The following HYDIN variants were observed in gnomAD, a reference collection of about 807,000 sequenced individuals.
The protein encoded by HYDIN is HYDIN axonemal central pair apparatus protein.
HYDIN carries 132 observed loss-of-function variants against 403.9 expected under a neutral mutation model. That is an observed-to-expected ratio of 0.33 (90% CI 0.28 to 0.38). The LOEUF is 0.38. Ranked by LOEUF, HYDIN falls within the 10% of genes least tolerant of loss-of-function variation. HYDIN has a pLI of 1.00. For synonymous variants in HYDIN, 1,202 were observed against 1,891.7 expected (o/e 0.64, Z 9.46); for missense variants, 2,827 against 5,009.5 (o/e 0.56, Z 13.15).
chr16:70,882,596 T>C, intron 60 of HYDIN, 64 bp downstream of exon 60: 3 of 989,308 alleles, frequency 3.0e-6, no homozygotes, highest in Non-Finnish European at 4.8e-6. Flanking sequence ...CAGAGGATGC[T>C]GAGAGCCCTT....
Position 71,228,919 on chromosome 16 carries a change from A to G in HYDIN, c.-24+1643T>C, listed in dbSNP as rs574478699. Among the ~76,000 whole-genome samples the G allele has an allele frequency of 8.5e-5, 13 of 152,276 alleles. No individual in the cohort carries two copies. The East Asian group carries it at 2.3e-3, about 27-fold the overall frequency. ...TTGGAACCAACCCAAATGTCCATCA[A>G]CGATAGACTGAGTTAAGAAAATGTG... is the stretch of plus-strand genomic sequence containing the variant. On this transcript the variant is annotated intron_variant, in intron 1 of 85. Transcript: ENST00000393567.
Position 71,107,850 on chromosome 16 carries a change from T to C in HYDIN, c.1327+7846A>G, listed in dbSNP as rs560633332. On this transcript the variant is annotated intron_variant, in intron 10 of 85. Coordinates refer to ENST00000393567, the MANE Select transcript of HYDIN (RefSeq NM_001270974.2). ...AAACCCAAAAGGATATAAATTGTTC[T>C]ACCATGAAAACATGCATGTATATGT... Among the ~76,000 whole-genome samples, 5 of 152,314 alleles carry C rather than the reference T, an allele frequency of 3.3e-5. No homozygotes were observed. The East Asian group carries it at 9.6e-4, about 29-fold the overall frequency.
intron 20 of HYDIN, chr16:71,027,330 C>T: frequency 7.4e-7 from 1 of 1,350,132 alleles, no homozygotes; most frequent in Admixed American, 3.5e-5. Context: ...GGGTGTTTTT[C>T]TACCAGAGAC....
intron 22 of HYDIN, among the ~76,000 whole-genome samples, chr16:71,019,346 C>T (rs978020333): frequency 4.6e-5 from 7 of 152,388 alleles, no homozygotes; most frequent in Admixed American, 6.5e-5. Flanking sequence ...TGGGCTTAAA[C>T]GATTCTGGTA....
intron 12 of HYDIN, among the ~76,000 whole-genome samples, chr16:71,081,477 A>G (rs1376996622): frequency 2.0e-5 from 3 of 152,108 alleles, no homozygotes; most frequent in Non-Finnish European, 4.4e-5. Flanking sequence ...CTTCACTTGA[A>G]AAAAAGCTTT....
intron 83 of HYDIN, among the ~76,000 whole-genome samples, chr16:70,820,021 C>T (rs1343516914): frequency 7.0e-5 from 10 of 143,668 alleles, no homozygotes; most frequent in Non-Finnish European, 9.1e-5. Context: ...GGGGTTTCAC[C>T]GTGTTAGTCA....
Position 71,088,531 on chromosome 16 carries a change from C to G in HYDIN, c.1447-7G>C. On this transcript the variant is annotated splice_polypyrimidine_tract_variant and splice_region_variant and intron_variant, in intron 11 of 85. Transcript: ENST00000393567. The stretch of plus-strand genomic sequence containing the variant: ...CTTTGTTGTACAGTATCGCCTATAT[C>G]AATAAAAGGCAAGAATGTGAAGGTC... 1 of 628,034 alleles carries G rather than the reference C, an allele frequency of 1.6e-6. No homozygotes were observed. The highest frequency in any genetic ancestry group is 1.9e-5 in the South Asian group (1 of 51,438). 38.9% of individuals were successfully genotyped at this position (628,034 alleles called of 1,614,324 possible). A position where few individuals can be genotyped will look rare whatever the true frequency, so the allele number is the denominator to read the frequency against.
At chr16:71,132,381 C>T (rs1473967156) in intron 8 of HYDIN, 3 of 12,480 alleles carry the variant, frequency 2.4e-4, no homozygotes, top group African/African-American at 1.1e-3. Context: ...ATTAGATATA[C>T]ACATAGCAAC....
intron 47 of HYDIN, among the ~76,000 whole-genome samples, chr16:70,917,207 C>T (rs966562822): frequency 1.3e-5 from 2 of 152,242 alleles, no homozygotes; most frequent in Admixed American, 1.3e-4. Context: ...CAGGCCTGAG[C>T]CACAGTGCCC....
intron 19 of HYDIN, among the ~76,000 whole-genome samples, chr16:71,029,806 G>A (rs535550916): frequency 6.6e-6 from 1 of 152,036 alleles, no homozygotes; most frequent in Non-Finnish European, 1.5e-5. Flanking sequence ...AGGATTCTGG[G>A]GAGGGCTCCT....
rs532412854 is a variant in HYDIN at position 70,818,403 on chromosome 16, G to A, written c.14597C>T (p.Thr4866Met). The A allele has an allele frequency of 3.7e-5, 60 of 1,613,734 alleles. No individual in the cohort carries two copies. Among genetic ancestry groups the A allele is most frequent in the South Asian group, 2.3e-4 (21 of 90,974 alleles). Reference protein sequence around the residue: ...NPLPYSVTFSTECRMPDIALP... With the variant: ...NPLPYSVTFSMECRMPDIALP... ...GGCGATGTCGGGCATCCGGCATTCCGTGGAGAAGGTCACCGAGTAGGGCAG... is the reference window on the plus strand; with the variant it reads ...GGCGATGTCGGGCATCCGGCATTCCATGGAGAAGGTCACCGAGTAGGGCAG... Residue 4866 changes from threonine (T) to methionine (M), a missense_variant, in exon 84 of 86, where the codon ACG (threonine) becomes ATG (methionine). Coordinates refer to ENST00000393567, the MANE Select transcript of HYDIN (RefSeq NM_001270974.2).
At chr16:71,010,597 T>C (rs1180028357) in intron 23 of HYDIN, among the ~76,000 whole-genome samples, 1 of 151,664 alleles carries the variant, frequency 6.6e-6, no homozygotes, top group East Asian at 2.0e-4. Flanking sequence ...CTCCTTCATT[T>C]CACACAAGAG....
chr16:70,974,478 G>T lies in HYDIN; in HGVS notation c.4909+56C>A, dbSNP rs878950515. The T allele has an allele frequency of 1.7e-4, 243 of 1,441,098 alleles. 2 individuals carry two copies. The South Asian group carries it at 3.1e-3, about 19-fold the overall frequency. 89.3% of individuals were successfully genotyped at this position (1,441,098 alleles called of 1,614,324 possible). On this transcript the variant is annotated intron_variant, in intron 32 of 85. Transcript: ENST00000393567. ...TGCTCCAGGAGGACAGTACTGATGG[G>T]TTCCTTGAGAGAAATGACCAAGTGC...
chr16:70,817,868 A>G (rs2035944795), intron 84 of HYDIN, among the ~76,000 whole-genome samples: 1 of 151,884 alleles, frequency 6.6e-6, no homozygotes, highest in Non-Finnish European at 1.5e-5. Flanking sequence ...CAGCCTCCCG[A>G]GTAGCTGGGA....
chr16:71,191,137 T>A (rs1392126583), intron 1 of HYDIN, among the ~76,000 whole-genome samples: 1 of 152,230 alleles, frequency 6.6e-6, no homozygotes, highest in Non-Finnish European at 1.5e-5. Flanking sequence ...CTCATCAGAT[T>A]AAACATTTTT....
At chr16:71,005,023 G>C (rs1338497423) in intron 23 of HYDIN, among the ~76,000 whole-genome samples, 33 of 152,150 alleles carry the variant, frequency 2.2e-4, no homozygotes. Context: ...CTGTGTTTTT[G>C]TTTACTTGTT....
chr16:71,021,131 C>G (rs2080474262), intron 21 of HYDIN, among the ~76,000 whole-genome samples: 1 of 151,348 alleles, frequency 6.6e-6, no homozygotes, highest in Admixed American at 6.6e-5. Context: ...ATGATCAGAC[C>G]TATTTCCTGT....
rs568019588 is a variant in HYDIN at position 71,059,222 on chromosome 16, G to A, written c.2529+1282C>T. Among the ~76,000 whole-genome samples, 225 of 151,960 alleles carry A rather than the reference G, an allele frequency of 1.5e-3. 2 individuals are homozygous for A. Among genetic ancestry groups the A allele is most frequent in the South Asian group, 6.2e-3 (30 of 4,802 alleles). ...ATCTTTGTCATAAAATCTTTGCTAG[G>A]GTCCATGTGCAGAATGGTATTTTCT... On this transcript the variant is annotated intron_variant, in intron 18 of 85. Coordinates refer to ENST00000393567, the MANE Select transcript of HYDIN (RefSeq NM_001270974.2).
intron 7 of HYDIN, among the ~76,000 whole-genome samples, chr16:71,149,930 A>AG (rs1258203226): frequency 6.7e-6 from 1 of 149,576 alleles, no homozygotes; most frequent in Admixed American, 6.7e-5. Context: ...TCTAGTGCCA[A>AG]GGCTAGCCTT....
Sources: allele counts gnomAD v4.1 joint callset (sites outside exome capture counted in the v4.1 genomes callset), GRCh38; gene constraint gnomAD v4.1.1; transcripts MANE v1.5; gene names NCBI Gene and HGNC (gene_info 2026-07-23, HGNC 2026-07-21).